COL20A1: variants seen among roughly 807,000 people sequenced by gnomAD.
COL20A1 encodes collagen type XX alpha 1 chain.
A neutral mutation model predicts 152.9 loss-of-function variants in COL20A1; 164 were observed. The observed-to-expected ratio is 1.07, with a 90% CI of 0.94 to 1.22. The LOEUF (loss-of-function observed/expected upper bound fraction) is 1.22, where lower values mean the gene tolerates loss of function less well. Ranked by LOEUF, COL20A1 falls within the 50% of genes most tolerant of loss-of-function variation. COL20A1 has a pLI of 0.00. For synonymous variants in COL20A1, 864 were observed against 756.0 expected, an observed-to-expected ratio of 1.14 and a Z score of -2.34; for missense variants, 1,873 against 1,744.8, an observed-to-expected ratio of 1.07 and a Z score of -1.31.
chr20:63,312,198 G>A, intron 14 of COL20A1, 143 bp downstream of exon 14: 1 of 1,151,820 alleles, frequency 8.7e-7, no homozygotes, highest in East Asian at 2.6e-5. Context: ...CTGGTGTGGG[G>A]GCAGATGTGG....
chr20:63,312,490 G>C lies in COL20A1; in HGVS notation c.1874G>C (p.Arg625Pro). ...PLSSSTTYTV[R>P]VTCLYPGGGS... ...TCTTCCTCCACCACCTACACTGTCC[G>C]TGTCACCTGCCTCTACCCTGGGGGT... Residue 625 changes from arginine (R) to proline (P), a missense_variant, in exon 15 of 36, where the codon CGT becomes CCT. By Grantham distance (103) the Arg-to-Pro change is moderately radical. Coordinates refer to ENST00000358894, the MANE Select transcript of COL20A1 (RefSeq NM_020882.4). The C allele has an allele frequency of 6.2e-7, 1 of 1,608,796 alleles. No individual in the cohort carries two copies. Among genetic ancestry groups the C allele is most frequent in the Non-Finnish European group, 8.5e-7 (1 of 1,178,744 alleles).
At chr20:63,323,930 A>G (rs931647508) in intron 27 of COL20A1, among the ~76,000 whole-genome samples, 4 of 152,202 alleles carry the variant, frequency 2.6e-5, no homozygotes, top group Non-Finnish European at 5.9e-5. Context: ...CGCTTTATAG[A>G]TATACTCGGG....
rs868780181 is a variant in COL20A1 at position 63,316,646 on chromosome 20, C to A, written c.2618C>A (p.Pro873Gln). Reference sequence around the variant, plus strand: ...GAGCCCTCTGCCTTCGGTGGGACCCCGACCTTCACGCTCTTCAAGGACGCC... The same window carrying A: ...GAGCCCTCTGCCTTCGGTGGGACCCAGACCTTCACGCTCTTCAAGGACGCC... Reference protein sequence around the residue: ...AMEPSAFGGTPTFTLFKDAQL... With the variant: ...AMEPSAFGGTQTFTLFKDAQL... Residue 873 changes from proline (P) to glutamine (Q), a missense_variant, in exon 21 of 36, where the codon CCG (proline) becomes CAG (glutamine). By Grantham distance (76) the Pro-to-Gln change is moderately conservative. Coordinates refer to ENST00000358894, the MANE Select transcript of COL20A1 (RefSeq NM_020882.4). 6.3e-7 allele frequency: 1 copy of A among 1,576,462 alleles called. No homozygotes were observed.
chr20:63,311,564 G>A lies in COL20A1; in HGVS notation c.1539+25G>A. ...GGTGAGCTGGGCCGGGGGGTGGCGG[G>A]GGAGGCAGAGGAGTGGGGCAGAGCG... On this transcript the variant is annotated intron_variant, in intron 12 of 35. Transcript: ENST00000358894. This position sits in a 1 kb window ranked among gnomAD's most constrained non-coding sequence, Gnocchi z 4.4. 1 of 1,607,972 alleles carries A rather than the reference G, an allele frequency of 6.2e-7. No individual in the cohort carries two copies.
chr20:63,305,539 C>A lies in COL20A1; in HGVS notation c.316C>A (p.Leu106Ile). 1.2e-6 allele frequency: 2 copies of A among 1,603,046 alleles called. No individual in the cohort carries two copies. The highest frequency in any genetic ancestry group is 1.1e-5 in the South Asian group (1 of 89,366). ...FELTGSGRFL[L>I]ARREFVIEDL... ...GCTCACTGGCTCTGGGCGCTTCCTG[C>A]TAGCTCGGAGGGAGTTTGTGAGTAA... Residue 106 changes from leucine to isoleucine, a missense_variant, in exon 4 of 36, where the codon CTA becomes ATA. Transcript: ENST00000358894. This position sits in a 1 kb window ranked among gnomAD's most constrained non-coding sequence, Gnocchi z 4.9.
rs1005959204 is a variant in COL20A1, at chr20:63,305,628, G to C, written c.337+68G>C. On this transcript the variant is annotated intron_variant, in intron 4 of 35. Coordinates refer to ENST00000358894, the MANE Select transcript of COL20A1 (RefSeq NM_020882.4). This position sits in a 1 kb window ranked among gnomAD's most constrained non-coding sequence, Gnocchi z 4.9. Reference sequence around the variant, plus strand: ...CGGGTCCCACCCTCCTCTGGGCTGGGGTCCCACCCTCCTCCAGGCTGCGTT... The same window carrying C: ...CGGGTCCCACCCTCCTCTGGGCTGGCGTCCCACCCTCCTCCAGGCTGCGTT... 6.7e-7 allele frequency: 1 copy of C among 1,485,714 alleles called. No homozygotes were observed. The highest frequency in any genetic ancestry group is 9.0e-7 in the Non-Finnish European group (1 of 1,108,928). The allele number at this position is 1,485,714 out of a possible 1,614,324, so 92.0% of individuals were successfully genotyped here.
At chr20:63,314,321 G>T in intron 19 of COL20A1, 120 bp downstream of exon 19, 1 of 843,708 alleles carries the variant, frequency 1.2e-6, no homozygotes, top group Non-Finnish European at 1.9e-6. Context: ...AGACCTAGTT[G>T]ACCCCAGGGG....
rs765991581 is a variant in COL20A1, at chr20:63,311,551, C to T, written c.1539+12C>T. 1.9e-5 allele frequency: 30 copies of T among 1,597,198 alleles called. No individual in the cohort carries two copies. The East Asian group carries it at 2.5e-4, about 13-fold the overall frequency. On this transcript the variant is annotated intron_variant, in intron 12 of 35. Transcript: ENST00000358894. This position sits in a 1 kb window ranked among gnomAD's most constrained non-coding sequence, Gnocchi z 4.4. Reference sequence around the variant, plus strand: ...AGGAGGAGCGAGAGGTGAGCTGGGCCGGGGGGTGGCGGGGGAGGCAGAGGA... The same window carrying T: ...AGGAGGAGCGAGAGGTGAGCTGGGCTGGGGGGTGGCGGGGGAGGCAGAGGA...
chr20:63,327,851 A>G (rs1400709676), intron 31 of COL20A1, 101 bp from the exon 32 acceptor site: 4 of 1,222,172 alleles, frequency 3.3e-6, no homozygotes, highest in Admixed American at 2.0e-5. Flanking sequence ...TGTGGCTATC[A>G]GGCTGCCTGA....
At chr20:63,309,639 G>T in intron 9 of COL20A1, 119 bp from the exon 10 acceptor site, 1 of 1,254,896 alleles carries the variant, frequency 8.0e-7, no homozygotes, top group Non-Finnish European at 1.1e-6. Flanking sequence ...CCTTACATCT[G>T]TCCACAGAAG....
At chr20:63,326,361 T>C (rs554857004) in intron 30 of COL20A1, among the ~76,000 whole-genome samples, 34 of 152,290 alleles carry the variant, frequency 2.2e-4, no homozygotes, top group African/African-American at 8.2e-4. Flanking sequence ...GAGGGCTCTG[T>C]GCTGAGGACT....
At chr20:63,316,416 C>T (rs2068084766) in intron 20 of COL20A1, 137 bp from the exon 21 acceptor site, 2 of 593,316 alleles carry the variant, frequency 3.4e-6, no homozygotes, top group African/African-American at 1.9e-5. Flanking sequence ...ACTTCCCACC[C>T]ACGCCGCTCC....
intron 21 of COL20A1, among the ~76,000 whole-genome samples, chr20:63,318,186 G>A (rs1489928440): frequency 6.6e-6 from 1 of 152,166 alleles, no homozygotes; most frequent in East Asian, 1.9e-4. Flanking sequence ...TCCAGGTGCG[G>A]CCACCCAGGG....
intron 7 of COL20A1, 119 bp from the exon 8 acceptor site, chr20:63,308,423 G>T (rs2067958635): frequency 3.9e-6 from 4 of 1,032,772 alleles, no homozygotes; most frequent in Non-Finnish European, 5.5e-6. Flanking sequence ...GCTGCTGCGG[G>T]GCCTCCTGAT....
intron 3 of COL20A1, among the ~76,000 whole-genome samples, chr20:63,300,317 C>A (rs567845835): frequency 9.9e-5 from 15 of 151,962 alleles, no homozygotes; most frequent in Non-Finnish European, 1.8e-4. Flanking sequence ...TGCTAGAATT[C>A]ACTGGTACTG....
Position 63,322,492 on chromosome 20 carries a change from G to A in COL20A1, c.3294+381G>A, listed in dbSNP as rs565969306. Among the ~76,000 whole-genome samples the A allele has an allele frequency of 2.0e-5, 3 of 152,292 alleles. No homozygotes were observed. In the South Asian group the frequency reaches 6.2e-4, roughly 32 times the overall value. ...GGCAGGCATGAGCCAGATGCCTTCTGTGTGCCGGGCTGGGCCCAGGAGCTT... is the reference window on the plus strand; with the variant it reads ...GGCAGGCATGAGCCAGATGCCTTCTATGTGCCGGGCTGGGCCCAGGAGCTT... On this transcript the variant is annotated intron_variant, in intron 27 of 35. Coordinates refer to ENST00000358894, the MANE Select transcript of COL20A1 (RefSeq NM_020882.4).
At chr20:63,294,215 G>A (rs1475829051) in intron 1 of COL20A1, among the ~76,000 whole-genome samples, 1 of 146,082 alleles carries the variant, frequency 6.8e-6, no homozygotes, top group Non-Finnish European at 1.5e-5. Context: ...AGGGGACTGG[G>A]GGTGCAGGGG....
intron 2 of COL20A1, among the ~76,000 whole-genome samples, chr20:63,296,988 G>A (rs1236700310): frequency 6.6e-6 from 1 of 152,210 alleles, no homozygotes; most frequent in Non-Finnish European, 1.5e-5. Context: ...AGCCCTGGGA[G>A]GTTGGCCAGG....
intron 27 of COL20A1, among the ~76,000 whole-genome samples, chr20:63,323,906 A>C (rs2068205887): frequency 6.6e-6 from 1 of 152,158 alleles, no homozygotes; most frequent in Non-Finnish European, 1.5e-5. Context: ...TGGTGTTTTT[A>C]CTGGAACTGC....
Sources: gnomAD v4.1 joint callset for allele counts (sites outside exome capture counted in the v4.1 genomes callset) on GRCh38, gnomAD v4.1.1 for gene constraint, Gnocchi (gnomAD v3.1) non-coding constraint, MANE v1.5 for transcripts, NCBI Gene and HGNC (gene_info 2026-07-23, HGNC 2026-07-21) for gene names.